RBFOX1: variants seen among roughly 807,000 people sequenced by gnomAD.
The protein encoded by RBFOX1 is RNA binding protein fox-1 homolog 1.
A neutral mutation model predicts 57.7 loss-of-function variants in RBFOX1; 8 were observed. That is an observed-to-expected ratio of 0.14 (90% CI 0.08 to 0.25). The LOEUF (loss-of-function observed/expected upper bound fraction) is 0.25, where lower values mean the gene tolerates loss of function less well. Ranked by LOEUF, RBFOX1 falls within the 10% of genes least tolerant of loss-of-function variation. The pLI, the probability that RBFOX1 is intolerant of heterozygous loss-of-function variation, is 1.00. For synonymous variants in RBFOX1, 326 were observed against 222.4 expected (o/e 1.47, Z -4.15); for missense variants, 611 against 548.5 (o/e 1.11, Z -1.14).
intron 3 of RBFOX1, among the ~76,000 whole-genome samples, chr16:6,871,804 GT>G (rs939648215): frequency 1.7e-4 from 26 of 152,110 alleles, no homozygotes; most frequent in Non-Finnish European, 3.4e-4. Context: ...GTCTGGAAAT[GT>G]TGTCAGTGGC....
chr16:7,426,253 T>C, intron 4 of RBFOX1, among the ~76,000 whole-genome samples: 1 of 152,146 alleles, frequency 6.6e-6, no homozygotes, highest in East Asian at 1.9e-4. Context: ...TTTTTCTGCT[T>C]GACAGTGATC....
intron 3 of RBFOX1, among the ~76,000 whole-genome samples, chr16:6,942,429 G>T (rs150316862): frequency 6.6e-6 from 1 of 152,126 alleles, no homozygotes; most frequent in Admixed American, 6.5e-5. Context: ...AAAATGCTGG[G>T]ATTACAGTTT....
At chr16:6,203,756 C>G (rs1184545084) in intron 1 of RBFOX1, among the ~76,000 whole-genome samples, 1 of 152,114 alleles carries the variant, frequency 6.6e-6, no homozygotes, top group Non-Finnish European at 1.5e-5. Context: ...TTCATAGAAA[C>G]ATAAATTGGT....
chr16:7,684,949 A>T (rs2058187), intron 14 of RBFOX1, among the ~76,000 whole-genome samples: 2 of 152,134 alleles, frequency 1.3e-5, no homozygotes, highest in Admixed American at 1.3e-4. Flanking sequence ...GGGGAAAAGG[A>T]GGATTAACTT....
chr16:6,044,621 G>A (rs917804827), intron 1 of RBFOX1, among the ~76,000 whole-genome samples: 3 of 152,174 alleles, frequency 2.0e-5, no homozygotes, highest in Non-Finnish European at 4.4e-5. Context: ...TTTTAAAAAG[G>A]TATGGAAAGA....
intron 1 of RBFOX1, among the ~76,000 whole-genome samples, chr16:5,445,259 A>G (rs978722729): frequency 2.0e-5 from 3 of 152,222 alleles, no homozygotes; most frequent in Admixed American, 2.0e-4. Context: ...GAAAATCAAC[A>G]GGACATGGTA....
At chr16:7,347,107 G>A (rs534737846) in intron 4 of RBFOX1, among the ~76,000 whole-genome samples, 1 of 152,284 alleles carries the variant, frequency 6.6e-6, no homozygotes, top group South Asian at 2.1e-4. Context: ...AATCAGGGGT[G>A]ATTTTTGGCT....
At chr16:5,774,436 A>C (rs535234949) in intron 3 of RBFOX1, among the ~76,000 whole-genome samples, 13 of 152,344 alleles carry the variant, frequency 8.5e-5, no homozygotes, top group Non-Finnish European at 1.6e-4. Flanking sequence ...CAGTATTTTA[A>C]ACACACAGGT....
chr16:7,387,098 A>C (rs1403761815), intron 4 of RBFOX1, among the ~76,000 whole-genome samples: 2 of 151,976 alleles, frequency 1.3e-5, no homozygotes, highest in Non-Finnish European at 2.9e-5. Context: ...AAATTTGTTT[A>C]ATGTATTTGT....
chr16:5,463,156 G>T (rs2068843889), intron 1 of RBFOX1, among the ~76,000 whole-genome samples: 1 of 152,144 alleles, frequency 6.6e-6, no homozygotes, highest in African/African-American at 2.4e-5. Flanking sequence ...GTACTTCCAG[G>T]GTTGAGTTTG....
chr16:6,528,011 A>G (rs1350285455), intron 2 of RBFOX1, among the ~76,000 whole-genome samples: 2 of 152,028 alleles, frequency 1.3e-5, no homozygotes, highest in East Asian at 1.9e-4. Flanking sequence ...GTTGATTTGC[A>G]TGGATTTCTC....
chr16:6,801,720 A>G (rs962602385), intron 3 of RBFOX1, among the ~76,000 whole-genome samples: 2 of 152,088 alleles, frequency 1.3e-5, no homozygotes, highest in African/African-American at 4.8e-5. Flanking sequence ...TGAACTGGGG[A>G]GGAAGAGAGT....
intron 4 of RBFOX1, among the ~76,000 whole-genome samples, chr16:7,218,919 C>G (rs1284817852): frequency 1.3e-5 from 2 of 152,100 alleles, no homozygotes; most frequent in African/African-American, 4.8e-5. Context: ...AATCTTCTCT[C>G]TTGGGTTTGG....
At chr16:5,910,513 T>C (rs964912804) in intron 4 of RBFOX1, among the ~76,000 whole-genome samples, 6 of 152,188 alleles carry the variant, frequency 3.9e-5, no homozygotes, top group African/African-American at 1.4e-4. Context: ...TCTTCTTGTG[T>C]AGATGGGATA....
intron 3 of RBFOX1, among the ~76,000 whole-genome samples, chr16:5,677,182 C>G (rs993365331): frequency 2.0e-5 from 3 of 152,214 alleles, no homozygotes; most frequent in African/African-American, 7.2e-5. Flanking sequence ...ATGACAGCTT[C>G]TCTTGCTCTA....
At chr16:5,709,898 C>T (rs2051421227) in intron 3 of RBFOX1, among the ~76,000 whole-genome samples, 2 of 117,412 alleles carry the variant, frequency 1.7e-5, no homozygotes, top group Admixed American at 9.8e-5. Context: ...TTATTCTTCA[C>T]AACGGCCCCG....
chr16:5,977,861 C>T (rs906645177), intron 4 of RBFOX1, among the ~76,000 whole-genome samples: 7 of 151,904 alleles, frequency 4.6e-5, no homozygotes, highest in African/African-American at 7.3e-5. Flanking sequence ...CTTTTTGAGT[C>T]GAAATTTATG....
At chr16:5,406,102 ATTC>A (rs1448029782) in intron 1 of RBFOX1, among the ~76,000 whole-genome samples, 1 of 152,202 alleles carries the variant, frequency 6.6e-6, no homozygotes, top group Non-Finnish European at 1.5e-5. Context: ...AAATCTGATT[ATTC>A]TTTTATTCAT....
intron 4 of RBFOX1, among the ~76,000 whole-genome samples, chr16:7,427,893 A>T (rs1568846963): frequency 1.3e-5 from 2 of 152,154 alleles, no homozygotes; most frequent in African/African-American, 4.8e-5. Context: ...ACCTCAGATG[A>T]TCTGCCTGCC....
Sources: gnomAD v4.1 joint callset for allele counts (sites outside exome capture counted in the v4.1 genomes callset) on GRCh38, gnomAD v4.1.1 for gene constraint, MANE v1.5 for transcripts, NCBI Gene and HGNC (gene_info 2026-07-23, HGNC 2026-07-21) for gene names.